LDLRAD3: variants seen among roughly 807,000 people sequenced by gnomAD.
LDLRAD3 encodes low-density lipoprotein receptor class A domain-containing protein 3.
A neutral mutation model predicts 29.4 loss-of-function variants in LDLRAD3; 20 were observed. The observed-to-expected ratio is 0.68, with a 90% CI of 0.48 to 0.99. LDLRAD3 has a LOEUF of 0.99. Ranked by LOEUF, LDLRAD3 falls within the 50% of genes least tolerant of loss-of-function variation. The pLI is 0.00. For missense variants in LDLRAD3, 420 were observed against 454.3 expected (o/e 0.92, Z 0.69); for synonymous variants, 157 against 192.7 (o/e 0.81, Z 1.53).
chr11:36,143,337 C>T (rs985401603), intron 4 of LDLRAD3, among the ~76,000 whole-genome samples: 12 of 152,216 alleles, frequency 7.9e-5, no homozygotes, highest in African/African-American at 2.4e-4. Flanking sequence ...ACCTCTTTCC[C>T]GTGGTGGCCT....
intron 1 of LDLRAD3, among the ~76,000 whole-genome samples, chr11:35,982,664 T>C (rs1253563313): frequency 1.3e-5 from 2 of 152,142 alleles, no homozygotes; most frequent in Non-Finnish European, 1.5e-5. Flanking sequence ...AGCTGCCACT[T>C]GCCCCACAGT....
chr11:36,035,748 T>A (rs1250515789), intron 1 of LDLRAD3, among the ~76,000 whole-genome samples: 1 of 152,216 alleles, frequency 6.6e-6, no homozygotes, highest in Admixed American at 6.5e-5. Context: ...GGGAGTCCAG[T>A]GCTCACTCCT....
chr11:35,965,364 C>T (rs1851326917), intron 1 of LDLRAD3, among the ~76,000 whole-genome samples: 1 of 152,162 alleles, frequency 6.6e-6, no homozygotes, highest in African/African-American at 2.4e-5. Flanking sequence ...TGTTGCTAAC[C>T]TGTGAACCCT....
At chr11:36,007,333 G>C (rs1590202117) in intron 1 of LDLRAD3, among the ~76,000 whole-genome samples, 1 of 152,318 alleles carries the variant, frequency 6.6e-6, no homozygotes, top group South Asian at 2.1e-4. Flanking sequence ...TGGCAGGTTG[G>C]TGAGTCTAGC....
chr11:36,036,254 G>A lies in LDLRAD3; in HGVS notation c.193+5G>A. The stretch of plus-strand genomic sequence containing the variant: ...AGAGTGATGAGAAGGAGTGCCGTGA[G>A]TGGCCTGGCCCTTTGCTGGGGTGGG... On this transcript the variant is annotated splice_donor_5th_base_variant and intron_variant, in intron 2 of 5. Transcript: ENST00000315571. The A allele has an allele frequency of 6.2e-7, 1 of 1,614,036 alleles. No individual in the cohort carries two copies. The highest frequency in any genetic ancestry group is 8.5e-7 in the Non-Finnish European group (1 of 1,179,984).
intron 1 of LDLRAD3, chr11:35,989,125 G>A (rs1272390627): frequency 6.6e-6 from 1 of 152,192 alleles, no homozygotes; most frequent in East Asian, 1.9e-4. Flanking sequence ...TTACTGAATA[G>A]GAAGTCCTTT....
intron 4 of LDLRAD3, among the ~76,000 whole-genome samples, chr11:36,220,662 C>T (rs1056506329): frequency 6.6e-6 from 1 of 152,132 alleles, no homozygotes; most frequent in Non-Finnish European, 1.5e-5. Context: ...TAGGATTCCA[C>T]TTATATGGCT....
intron 2 of LDLRAD3, among the ~76,000 whole-genome samples, chr11:36,051,964 C>T (rs535797920): frequency 1.3e-5 from 2 of 151,296 alleles, no homozygotes; most frequent in East Asian, 3.9e-4. Context: ...TGAAAAGCTG[C>T]TGGAATAGAA....
chr11:36,093,957 A>G (rs1853321180), intron 3 of LDLRAD3, among the ~76,000 whole-genome samples: 1 of 152,236 alleles, frequency 6.6e-6, no homozygotes, highest in Admixed American at 6.5e-5. Flanking sequence ...GACAATGTAG[A>G]AAACCAATTA....
chr11:36,019,205 G>T (rs932674140), intron 1 of LDLRAD3, among the ~76,000 whole-genome samples: 6 of 152,134 alleles, frequency 3.9e-5, no homozygotes, highest in African/African-American at 1.4e-4. Flanking sequence ...GCCAGGCAGG[G>T]GTTGGAGCCT....
At chr11:36,059,208 A>G (rs1852663228) in intron 2 of LDLRAD3, among the ~76,000 whole-genome samples, 1 of 152,230 alleles carries the variant, frequency 6.6e-6, no homozygotes, top group South Asian at 2.1e-4. Flanking sequence ...TCTACAGAAA[A>G]TGAGAAAATT....
chr11:36,022,188 C>T (rs1462556626), intron 1 of LDLRAD3, among the ~76,000 whole-genome samples: 1 of 152,146 alleles, frequency 6.6e-6, no homozygotes, highest in Non-Finnish European at 1.5e-5. Flanking sequence ...CAGGGTGGAT[C>T]CTTTTACACT....
intron 4 of LDLRAD3, among the ~76,000 whole-genome samples, chr11:36,123,823 C>T (rs749968845): frequency 1.1e-4 from 16 of 152,202 alleles, no homozygotes; most frequent in Non-Finnish European, 1.3e-4. Context: ...TCCTAAAGTC[C>T]GGCTGTGGCT....
At chr11:36,054,538 C>T (rs1852577581) in intron 2 of LDLRAD3, among the ~76,000 whole-genome samples, 1 of 152,238 alleles carries the variant, frequency 6.6e-6, no homozygotes, top group Non-Finnish European at 1.5e-5. Flanking sequence ...AACATGCCCT[C>T]TGGCATCTTC....
intron 1 of LDLRAD3, among the ~76,000 whole-genome samples, chr11:36,016,915 AG>A (rs1852030141): frequency 1.3e-5 from 2 of 152,176 alleles, no homozygotes; most frequent in Non-Finnish European, 2.9e-5. Flanking sequence ...GCATCATAGG[AG>A]GGGACCTCAG....
intron 4 of LDLRAD3, among the ~76,000 whole-genome samples, chr11:36,115,112 A>G (rs1853656870): frequency 6.6e-6 from 1 of 151,592 alleles, no homozygotes; most frequent in Non-Finnish European, 1.5e-5. Flanking sequence ...GGAAGCCCGA[A>G]CTATCTACAC....
intron 4 of LDLRAD3, among the ~76,000 whole-genome samples, chr11:36,130,189 C>T (rs927763574): frequency 3.3e-5 from 5 of 152,080 alleles, no homozygotes; most frequent in African/African-American, 4.8e-5. Context: ...GTGTAGGACA[C>T]GATAGTAGCA....
chr11:36,021,346 G>A (rs960254896), intron 1 of LDLRAD3, among the ~76,000 whole-genome samples: 3 of 152,150 alleles, frequency 2.0e-5, no homozygotes, highest in African/African-American at 7.2e-5. Flanking sequence ...AGGGAAAGGA[G>A]CTTCCGAGAT....
At chr11:35,947,364 G>A (rs1008906981) in intron 1 of LDLRAD3, among the ~76,000 whole-genome samples, 2 of 151,954 alleles carry the variant, frequency 1.3e-5, no homozygotes, top group Non-Finnish European at 2.9e-5. Flanking sequence ...ACAAAAATTA[G>A]CCAGGTGTGG....
Sources: gnomAD v4.1 joint callset for allele counts (sites outside exome capture counted in the v4.1 genomes callset) on GRCh38, gnomAD v4.1.1 for gene constraint, MANE v1.5 for transcripts, NCBI Gene and HGNC (gene_info 2026-07-23, HGNC 2026-07-21) for gene names.